Variants in ASIC4 observed in about 807,000 individuals in gnomAD.
ASIC4 encodes the protein acid sensing ion channel subunit family member 4.
ASIC4 carries 28 observed loss-of-function variants against 53.4 expected under a neutral mutation model. The observed-to-expected ratio is 0.52, with a 90% confidence interval of 0.39 to 0.72. ASIC4 has a LOEUF of 0.72. Among genes scored for constraint, ASIC4 ranks in the 30% least tolerant of loss-of-function variants. The pLI is 0.00. For missense variants in ASIC4, 649 were observed against 729.7 expected (o/e 0.89, Z 1.27); for synonymous variants, 289 against 301.4 (o/e 0.96, Z 0.43).
chr2:219,515,108 C>T lies in ASIC4; in HGVS notation c.384C>T (p.Leu128=), dbSNP rs1484568874. Residue 128 remains leucine, a synonymous_variant, in exon 1 of 10, where the codon CTC becomes CTT. Coordinates refer to ENST00000358078, the MANE Select transcript of ASIC4 (RefSeq NM_018674.6). ...CNINRFRHSA[L]SDADIFHLAN... is the part of the protein sequence containing the mutation. ...TCAACCGCTTCCGGCATTCGGCACT[C>T]AGCGATGCCGACATCTTCCACCTGG... 1 of 1,614,116 alleles carries T rather than the reference C, an allele frequency of 6.2e-7. No individual in the cohort carries two copies. Among genetic ancestry groups the T allele is most frequent in the Non-Finnish European group, 8.5e-7 (1 of 1,180,032 alleles).
chr2:219,514,686 G>T lies in ASIC4; in HGVS notation c.-39G>T, dbSNP rs762389524. On this transcript the variant is annotated 5_prime_UTR_variant, in exon 1 of 10. Transcript: ENST00000358078. ...AGGGCTGCTGGCTAGGGAGGGACAG[G>T]GCAGGGAGGCTCTGGCCAGTCCCAG... 1 of 1,613,428 alleles carries T rather than the reference G, an allele frequency of 6.2e-7. No homozygotes were observed. The highest frequency in any genetic ancestry group is 1.1e-5 in the South Asian group (1 of 91,072).
Position 219,536,972 on chromosome 2 carries a change from G to C in ASIC4, c.1230-94G>C. ...GTAGTCACTGACTTCCCCATGTAGT[G>C]ATCTCTGATCAGGATCTGCTGGATC... On this transcript the variant is annotated intron_variant, in intron 6 of 9. Transcript: ENST00000358078. This position sits in a 1 kb window ranked among gnomAD's most constrained non-coding sequence, Gnocchi z 4.6. 1 of 1,117,430 alleles carries C rather than the reference G, an allele frequency of 8.9e-7. No homozygotes were observed. Among genetic ancestry groups the C allele is most frequent in the Non-Finnish European group, 1.3e-6 (1 of 754,186 alleles). The allele number at this position is 1,117,430 out of a possible 1,614,324, so 69.2% of individuals were successfully genotyped here.
At chr2:219,526,505 A>C (rs1342992848) in intron 1 of ASIC4, among the ~76,000 whole-genome samples, 2 of 152,170 alleles carry the variant, frequency 1.3e-5, no homozygotes, top group Non-Finnish European at 2.9e-5. Context: ...ATGGGAGAGA[A>C]AGAGGCCAAG....
chr2:219,514,811 C>T lies in ASIC4; in HGVS notation c.87C>T (p.Leu29=). Residue 29 remains leucine (L), a synonymous_variant, in exon 1 of 10, where the codon CTC becomes CTT. Transcript: ENST00000358078. ...KEKEAGDEQS[L]LGAVAPGAAP... is the part of the protein sequence containing the mutation. The stretch of plus-strand genomic sequence containing the variant: ...AGGAGGCAGGGGATGAGCAGAGCCT[C>T]CTCGGGGCTGTTGCCCCTGGAGCAG... 2 of 1,613,394 alleles carry T rather than the reference C, an allele frequency of 1.2e-6. No individual in the cohort carries two copies. Among genetic ancestry groups the T allele is most frequent in the Non-Finnish European group, 1.7e-6 (2 of 1,179,972 alleles).
rs771944402 is a variant in ASIC4, at chr2:219,515,319, AGCTGG to A, written c.582+18_582+22del. On this transcript the variant is annotated intron_variant, in intron 1 of 9. Coordinates refer to ENST00000358078, the MANE Select transcript of ASIC4 (RefSeq NM_018674.6). ...CAACTTCTCTGTGGTGAGTTCTGCC[AGCTGG>A]GCTGCCTGGCCTTGGATGGCCGGAG... 6.3e-7 allele frequency: 1 copy of A among 1,598,860 alleles called. No homozygotes were observed. Among genetic ancestry groups the A allele is most frequent in the Non-Finnish European group, 8.5e-7 (1 of 1,171,626 alleles).
chr2:219,508,383 G>A, the ASIC4 span, among the ~76,000 whole-genome samples: 11 of 152,282 alleles, frequency 7.2e-5, no homozygotes, highest in African/African-American at 2.6e-4. Context: ...CTGGCCCCCG[G>A]GATCCCCCTC....
chr2:219,512,226 A>T (rs1694711400), upstream of ASIC4, among the ~76,000 whole-genome samples: 1 of 152,094 alleles, frequency 6.6e-6, no homozygotes, highest in South Asian at 2.1e-4. Flanking sequence ...TTCTTTCCTT[A>T]TAGAGGTTGA....
upstream of ASIC4, among the ~76,000 whole-genome samples, chr2:219,513,236 C>G (rs1210464008): frequency 2.6e-5 from 4 of 152,110 alleles, no homozygotes; most frequent in Non-Finnish European, 5.9e-5. Context: ...TTAATCAGCC[C>G]CCCTTTCCTC....
At chr2:219,525,208 A>T (rs182691227) in intron 1 of ASIC4, among the ~76,000 whole-genome samples, 1 of 152,322 alleles carries the variant, frequency 6.6e-6, no homozygotes, top group Non-Finnish European at 1.5e-5. Flanking sequence ...AGCTTGGTTC[A>T]TGCTGGTCTC....
chr2:219,507,490 C>T, the ASIC4 span, among the ~76,000 whole-genome samples: 41,417 of 152,148 alleles, frequency 0.27, 5,771 homozygotes, highest in South Asian at 0.45. Flanking sequence ...CTGTCTTCTA[C>T]TCCCCTGGCA....
upstream of ASIC4, chr2:219,514,295 G>A (rs556872394): frequency 1.8e-5 from 26 of 1,481,602 alleles, no homozygotes; most frequent in East Asian, 3.2e-4. Flanking sequence ...CCGGTGAAAC[G>A]CTGTTGACAT....
chr2:219,514,404 ACTCGCTCG>A (rs752410085), upstream of ASIC4: 3 of 1,547,032 alleles, frequency 1.9e-6, no homozygotes, highest in East Asian at 2.4e-5. Context: ...TCCCTCGCTC[ACTCGCTCG>A]CTCGCAGGGA....
intron 6 of ASIC4, among the ~76,000 whole-genome samples, chr2:219,535,772 C>CTT (rs869106424): frequency 0.02 from 2,601 of 128,664 alleles, 55 homozygotes; most frequent in African/African-American, 0.033. Context: ...TCTTCTCCTT[C>CTT]TTTTTTTTTT....
rs1695190489 is a variant in ASIC4 at position 219,538,644 on chromosome 2, G to A, written c.*598G>A. The A allele has an allele frequency of 6.4e-6, 1 of 155,244 alleles. No homozygotes were observed. The highest frequency in any genetic ancestry group is 2.4e-5 in the African/African-American group (1 of 41,470). The allele number at this position is 155,244 out of a possible 1,614,324, so 9.6% of individuals were successfully genotyped here. ...CCACCCCTAGAGTCCCTTCTATAGG[G>A]AGGGGGCAGGAGACCTTCCAGACTT... On this transcript the variant is annotated 3_prime_UTR_variant, in exon 10 of 10. Transcript: ENST00000358078.
Position 219,514,807 on chromosome 2 carries a change from GCCT to G in ASIC4, c.88_90del (p.Leu30del), listed in dbSNP as rs777530877. On this transcript the variant is annotated inframe_deletion, in exon 1 of 10. Coordinates refer to ENST00000358078, the MANE Select transcript of ASIC4 (RefSeq NM_018674.6). ...GAGAAGGAGGCAGGGGATGAGCAGAGCCTCCTCGGGGCTGTTGCCCCTGGAGCA... is the reference window on the plus strand; with the variant it reads ...GAGAAGGAGGCAGGGGATGAGCAGAGCCTCGGGGCTGTTGCCCCTGGAGCA... 2 of 1,613,418 alleles carry G rather than the reference GCCT, an allele frequency of 1.2e-6. No homozygotes were observed. Among genetic ancestry groups the G allele is most frequent in the Non-Finnish European group, 1.7e-6 (2 of 1,179,980 alleles).
upstream of ASIC4, among the ~76,000 whole-genome samples, chr2:219,510,733 A>G (rs937966023): frequency 6.6e-6 from 1 of 152,164 alleles, no homozygotes; most frequent in East Asian, 1.9e-4. The surrounding 1 kb of genome is among the most constrained non-coding windows in gnomAD (Gnocchi z 5.2). Flanking sequence ...GGTTGGCCCT[A>G]GAAAGATGGG....
At chr2:219,510,311 C>G (rs796965101), upstream of ASIC4, among the ~76,000 whole-genome samples, 2 of 152,234 alleles carry the variant, frequency 1.3e-5, no homozygotes, top group East Asian at 1.9e-4. The surrounding 1 kb of genome is among the most constrained non-coding windows in gnomAD (Gnocchi z 5.2). Flanking sequence ...GCCCTCTCCC[C>G]CTCCTTCCTC....
intron 5 of ASIC4, 97 bp from the exon 6 acceptor site, chr2:219,535,074 T>C: frequency 1.3e-6 from 2 of 1,499,602 alleles, no homozygotes; most frequent in Non-Finnish European, 1.8e-6. Context: ...TGGGTGTGCC[T>C]GCCTCAGGAC....
intron 2 of ASIC4, 25 bp downstream of exon 2, chr2:219,531,927 G>A (rs2125667114): frequency 6.2e-7 from 1 of 1,611,638 alleles, no homozygotes; most frequent in South Asian, 1.1e-5. Context: ...AAGGGACAAG[G>A]GCCACCTTGG....
Sources: gnomAD v4.1 joint callset for allele counts (sites outside exome capture counted in the v4.1 genomes callset) on GRCh38, gnomAD v4.1.1 for gene constraint, Gnocchi (gnomAD v3.1) non-coding constraint, MANE v1.5 for transcripts, NCBI Gene and HGNC (gene_info 2026-07-23, HGNC 2026-07-21) for gene names.